Variants in RASGRF2 observed in about 807,000 individuals in gnomAD.
RASGRF2 encodes Ras protein specific guanine nucleotide releasing factor 2.
A neutral mutation model predicts 151.0 loss-of-function variants in RASGRF2; 76 were observed. That is an observed-to-expected ratio of 0.50 (90% CI 0.42 to 0.61). The LOEUF is 0.61. Among genes scored for constraint, RASGRF2 ranks in the 20% least tolerant of loss-of-function variants. The pLI, the probability that RASGRF2 is intolerant of heterozygous loss-of-function variation, is 0.00. For synonymous variants in RASGRF2, 504 were observed against 566.5 expected (o/e 0.89, Z 1.57); for missense variants, 1,148 against 1,564.6 (o/e 0.73, Z 4.49).
chr5:81,153,880 T>TA (rs1188037662), intron 17 of RASGRF2, among the ~76,000 whole-genome samples: 19 of 141,282 alleles, frequency 1.3e-4, no homozygotes, highest in Middle Eastern at 4.1e-3. Flanking sequence ...ATATTCCACG[T>TA]AAAAAAAATT....
In RASGRF2 at chr5:80,995,714, A is replaced by T. The variant is rs538771732; in HGVS notation, c.288+34688A>T. Reference sequence around the variant, plus strand: ...CCCCCTTTTTTTTTTTTTTTTTGAGATGGAGTCTCCGTCTGTCGCCCAGGC... The same window carrying T: ...CCCCCTTTTTTTTTTTTTTTTTGAGTTGGAGTCTCCGTCTGTCGCCCAGGC... On this transcript the variant is annotated intron_variant, in intron 1 of 26. Coordinates refer to ENST00000265080, the MANE Select transcript of RASGRF2 (RefSeq NM_006909.3). Among the ~76,000 whole-genome samples the T allele has an allele frequency of 4.0e-3, 299 of 75,562 alleles. 1 individual carries two copies. The highest frequency in any genetic ancestry group is 0.016 in the Middle Eastern group (1 of 62). 49.6% of individuals were successfully genotyped at this position (75,562 alleles called of 152,430 possible). A position where few individuals can be genotyped will look rare whatever the true frequency, so the allele number is the denominator to read the frequency against.
intron 1 of RASGRF2, among the ~76,000 whole-genome samples, chr5:81,003,643 T>C (rs1407333712): frequency 2.6e-5 from 4 of 152,230 alleles, no homozygotes; most frequent in Non-Finnish European, 5.9e-5. Context: ...ATTACAGGCA[T>C]GAGCCATGAT....
chr5:80,995,405 C>T (rs1477313952), intron 1 of RASGRF2, among the ~76,000 whole-genome samples: 38 of 145,412 alleles, frequency 2.6e-4, no homozygotes, highest in Non-Finnish European at 3.3e-4. Flanking sequence ...TATATACACA[C>T]ACACACACAC....
chr5:81,033,688 A>G (rs1433774901), intron 1 of RASGRF2, among the ~76,000 whole-genome samples: 4 of 152,182 alleles, frequency 2.6e-5, no homozygotes, highest in African/African-American at 9.7e-5. Context: ...CTAAAACCAT[A>G]AAAACCCTAG....
intron 1 of RASGRF2, among the ~76,000 whole-genome samples, chr5:81,016,655 T>G (rs1749645744): frequency 6.6e-6 from 1 of 152,158 alleles, no homozygotes; most frequent in Non-Finnish European, 1.5e-5. Flanking sequence ...AATAGAATAA[T>G]ATATTCATTA....
At chr5:81,219,898 A>G in intron 26 of RASGRF2, 120 bp downstream of exon 26, 1 of 653,926 alleles carries the variant, frequency 1.5e-6, no homozygotes, top group Non-Finnish European at 2.5e-6. Context: ...AGACCAGTAA[A>G]ATAGAAAATC....
intron 17 of RASGRF2, among the ~76,000 whole-genome samples, chr5:81,168,982 A>G (rs6872444): frequency 0.85 from 128,743 of 152,184 alleles, 54,540 homozygotes; most frequent in Admixed American, 0.89. Flanking sequence ...TTTGACCAAT[A>G]TCTCCTGGTT....
At chr5:81,216,295 C>T (rs1402021769) in intron 24 of RASGRF2, among the ~76,000 whole-genome samples, 1 of 151,394 alleles carries the variant, frequency 6.6e-6, no homozygotes, top group Admixed American at 6.6e-5. Context: ...TTAAATATTC[C>T]AGCACCTGTT....
At position 81,103,321 on chromosome 5, in the gene RASGRF2, TATAG is replaced by T. The variant is rs1425036155; in HGVS notation, c.1756-5667_1756-5664del. On this transcript the variant is annotated intron_variant, in intron 12 of 26. Coordinates refer to ENST00000265080, the MANE Select transcript of RASGRF2 (RefSeq NM_006909.3). Reference sequence around the variant, plus strand: ...TAGGTATAGCTATATTCTATATAGCTATAGATAGATATAGATATAGCTATAGCAT... The same window carrying T: ...TAGGTATAGCTATATTCTATATAGCTATAGATATAGATATAGCTATAGCAT... Among the ~76,000 whole-genome samples, 7 of 152,126 alleles carry T rather than the reference TATAG, an allele frequency of 4.6e-5. No individual in the cohort carries two copies. In the East Asian group the frequency reaches 9.7e-4, roughly 21 times the overall value.
At position 81,229,542 on chromosome 5, in the gene RASGRF2, C is replaced by T. The variant is rs1006513761; in HGVS notation, c.*3772C>T. 6 of 152,188 alleles carry T rather than the reference C, an allele frequency of 3.9e-5. No homozygotes were observed. Among genetic ancestry groups the T allele is most frequent in the East Asian group, 3.8e-4 (2 of 5,200 alleles). 9.4% of individuals were successfully genotyped at this position (152,188 alleles called of 1,614,324 possible). On this transcript the variant is annotated 3_prime_UTR_variant, in exon 27 of 27. Coordinates refer to ENST00000265080, the MANE Select transcript of RASGRF2 (RefSeq NM_006909.3). The stretch of plus-strand genomic sequence containing the variant: ...TTTGTTGTAGGTATAAACACATGAA[C>T]GATTCAGAAAATTATTCATCTCAGC...
At chr5:81,107,032 T>C (rs183125319) in intron 12 of RASGRF2, among the ~76,000 whole-genome samples, 27 of 152,182 alleles carry the variant, frequency 1.8e-4, no homozygotes, top group African/African-American at 6.3e-4. Context: ...TTCAGCTGTT[T>C]ATACAAAACA....
chr5:81,172,978 G>A (rs982715855), intron 17 of RASGRF2, among the ~76,000 whole-genome samples: 3 of 152,138 alleles, frequency 2.0e-5, no homozygotes, highest in African/African-American at 7.2e-5. Context: ...AACTATCACT[G>A]TCTCCAGATA....
At chr5:80,983,161 C>T (rs956840865) in intron 1 of RASGRF2, among the ~76,000 whole-genome samples, 1 of 152,238 alleles carries the variant, frequency 6.6e-6, no homozygotes, top group Non-Finnish European at 1.5e-5. Context: ...TGAATGTCGA[C>T]GGACTGGCGT....
chr5:81,087,142 A>T, intron 9 of RASGRF2, 189 bp downstream of exon 9: 1 of 706,828 alleles, frequency 1.4e-6, no homozygotes, highest in African/African-American at 1.7e-5. Flanking sequence ...CATGAAAAAC[A>T]GCAACACAAT....
At chr5:81,156,319 A>C (rs1368402475) in intron 17 of RASGRF2, among the ~76,000 whole-genome samples, 1 of 152,224 alleles carries the variant, frequency 6.6e-6, no homozygotes, top group East Asian at 1.9e-4. Context: ...AAAATCTTCC[A>C]GAAAATGGAG....
At chr5:81,026,786 A>G (rs541102970) in intron 1 of RASGRF2, among the ~76,000 whole-genome samples, 10 of 152,198 alleles carry the variant, frequency 6.6e-5, no homozygotes, top group South Asian at 4.1e-4. Context: ...GAGGCAGAGG[A>G]CAGGTTATAT....
At chr5:81,081,962 T>C (rs1348057464) in intron 7 of RASGRF2, among the ~76,000 whole-genome samples, 1 of 152,230 alleles carries the variant, frequency 6.6e-6, no homozygotes, top group Admixed American at 6.5e-5. Context: ...AAAACAACTA[T>C]CTACATAATT....
chr5:81,224,593 C>T (rs1348373500), intron 26 of RASGRF2, among the ~76,000 whole-genome samples: 1 of 152,186 alleles, frequency 6.6e-6, no homozygotes, highest in East Asian at 1.9e-4. Flanking sequence ...ATAAAATGTT[C>T]ATAACATTTC....
intron 17 of RASGRF2, among the ~76,000 whole-genome samples, chr5:81,160,268 A>G (rs1211175103): frequency 6.6e-6 from 1 of 152,164 alleles, no homozygotes; most frequent in Non-Finnish European, 1.5e-5. Context: ...AAAAATAGAA[A>G]AAATTAGCTG....
Sources: gnomAD v4.1 joint callset for allele counts (sites outside exome capture counted in the v4.1 genomes callset) on GRCh38, gnomAD v4.1.1 for gene constraint, MANE v1.5 for transcripts, NCBI Gene and HGNC (gene_info 2026-07-23, HGNC 2026-07-21) for gene names.